NUDT1: variants seen among roughly 807,000 people sequenced by gnomAD.
The protein encoded by NUDT1 is oxidized purine nucleoside triphosphate hydrolase.
Under a neutral mutation model 11.3 loss-of-function variants are expected in NUDT1, and 16 were observed. That is an observed-to-expected ratio of 1.41 (90% CI 0.96 to 2.15). NUDT1 has a LOEUF of 2.15. Ranked by LOEUF, NUDT1 falls within the 30% of genes most tolerant of loss-of-function variation. NUDT1 has a pLI of 0.00. For synonymous variants in NUDT1, 101 were observed against 84.4 expected (o/e 1.20, Z -1.08); for missense variants, 234 against 208.4 (o/e 1.12, Z -0.76).
intron 2 of NUDT1, among the ~76,000 whole-genome samples, chr7:2,245,902 G>A (rs1794749753): frequency 6.6e-6 from 1 of 151,678 alleles, no homozygotes; most frequent in African/African-American, 2.4e-5. Context: ...CCAACCCTCA[G>A]TTTGGAGAGC....
At chr7:2,247,203 C>T (rs570336997) in intron 2 of NUDT1, among the ~76,000 whole-genome samples, 16 of 152,210 alleles carry the variant, frequency 1.1e-4, no homozygotes, top group African/African-American at 1.7e-4. Context: ...GTCGGCAGCC[C>T]GGTCTCTGGG....
intron 1 of NUDT1, chr7:2,242,885 C>G: frequency 1.4e-6 from 1 of 700,390 alleles, no homozygotes; most frequent in South Asian, 1.5e-5. Context: ...GTTAGACTCC[C>G]TGCCTTATCG....
intron 2 of NUDT1, among the ~76,000 whole-genome samples, chr7:2,246,604 T>G (rs897098567): frequency 3.3e-5 from 5 of 152,182 alleles, no homozygotes; most frequent in African/African-American, 9.7e-5. Flanking sequence ...CAGCCCTGCT[T>G]TATTTTCTTC....
intron 1 of NUDT1, among the ~76,000 whole-genome samples, chr7:2,244,310 G>C (rs1794678105): frequency 6.6e-6 from 1 of 152,164 alleles, no homozygotes; most frequent in Admixed American, 6.5e-5. Context: ...GGAGAAGGAA[G>C]GTAGCGCCGG....
intron 2 of NUDT1, among the ~76,000 whole-genome samples, chr7:2,247,546 C>T (rs572114011): frequency 3.3e-5 from 5 of 152,334 alleles, no homozygotes; most frequent in Middle Eastern, 3.4e-3. Flanking sequence ...GAAGCAGGCC[C>T]GCCGGAACCT....
At position 2,244,647 on chromosome 7, in the gene NUDT1, C is replaced by T. The variant is rs574529054; in HGVS notation, c.73C>T (p.Arg25Ter). ...GCGAGTTCTCCTGGGCATGAAAAAG[C>T]GAGGCTTCGGGGCCGGCCGGTGGAA... Reference protein sequence around the residue: ...PQRVLLGMKKRGFGAGRWNGF... With the variant: ...PQRVLLGMKK The change falls in exon 2 of 4, where the codon CGA (arginine) becomes TGA (stop). Residue 25 changes from arginine to a stop codon, truncating the protein, a stop_gained. Coordinates refer to ENST00000356714, the MANE Select transcript of NUDT1 (RefSeq NM_002452.4). LOFTEE classifies it high-confidence loss of function. 5.1e-5 allele frequency: 82 copies of T among 1,613,842 alleles called. 1 individual carries two copies. The South Asian group carries it at 7.5e-4, about 15-fold the overall frequency.
At chr7:2,249,824 C>T (rs779558664) in intron 2 of NUDT1, 33 bp from the exon 3 acceptor site, 284 of 1,609,116 alleles carry the variant, frequency 1.8e-4, no homozygotes, top group Admixed American at 3.2e-4. Flanking sequence ...CATGCCCTGA[C>T]GGCCTCCCTC....
At chr7:2,248,610 G>A (rs1006061677) in intron 2 of NUDT1, among the ~76,000 whole-genome samples, 1 of 149,272 alleles carries the variant, frequency 6.7e-6, no homozygotes, top group African/African-American at 2.5e-5. Context: ...GGAGTGCAGT[G>A]GAGTAATCCC....
At chr7:2,246,992 C>T (rs1794791803) in intron 2 of NUDT1, among the ~76,000 whole-genome samples, 1 of 151,414 alleles carries the variant, frequency 6.6e-6, no homozygotes, top group African/African-American at 2.4e-5. Flanking sequence ...ATGGGGGACA[C>T]TGGAGCCAGA....
At chr7:2,244,498 G>A in intron 1 of NUDT1, 65 bp from the exon 2 acceptor site, 1 of 1,362,352 alleles carries the variant, frequency 7.3e-7, no homozygotes, top group Non-Finnish European at 9.8e-7. Flanking sequence ...CCTTCCTCCT[G>A]GCCCCTGGCA....
chr7:2,244,445 A>G (rs932858260), intron 1 of NUDT1, 118 bp from the exon 2 acceptor site: 11 of 942,426 alleles, frequency 1.2e-5, no homozygotes, highest in African/African-American at 3.4e-5. Context: ...CTGGGGAGTT[A>G]CAGCATACCC....
rs775036487 is a variant in NUDT1 at position 2,249,929 on chromosome 7, G to C, written c.225G>C (p.Val75=). The change falls in exon 3 of 4, where the codon GTG becomes GTC. Residue 75 remains valine (V), a synonymous_variant. Coordinates refer to ENST00000356714, the MANE Select transcript of NUDT1 (RefSeq NM_002452.4). Reference sequence around the variant, plus strand: ...TGGGCCAGATCGTGTTTGAGTTCGTGGGCGAGCCTGAGCTCATGGACGTGC... The same window carrying C: ...TGGGCCAGATCGTGTTTGAGTTCGTCGGCGAGCCTGAGCTCATGGACGTGC... ...HKVGQIVFEF[V]GEPELMDVHV... 11 of 1,614,208 alleles carry C rather than the reference G, an allele frequency of 6.8e-6. No homozygotes were observed. Among genetic ancestry groups the C allele is most frequent in the South Asian group, 1.1e-5 (1 of 91,088 alleles).
At chr7:2,243,579 C>A (rs1235146985) in intron 1 of NUDT1, among the ~76,000 whole-genome samples, 3 of 152,190 alleles carry the variant, frequency 2.0e-5, no homozygotes, top group Non-Finnish European at 4.4e-5. Flanking sequence ...TCGTGACCAG[C>A]CTGGGCAACG....
Position 2,249,983 on chromosome 7 carries a change from G to A in NUDT1, c.279G>A (p.Gly93=), listed in dbSNP as rs762264858. Reference sequence around the variant, plus strand: ...TCTTCTGCACAGACAGCATCCAGGGGACCCCCGTGGAGAGCGACGGTGAGT... The same window carrying A: ...TCTTCTGCACAGACAGCATCCAGGGAACCCCCGTGGAGAGCGACGGTGAGT... ...VHVFCTDSIQ[G]TPVESDEMRP... The change falls in exon 3 of 4, where the codon GGG becomes GGA. Residue 93 remains glycine, a synonymous_variant. Transcript: ENST00000356714. The A allele has an allele frequency of 6.2e-7, 1 of 1,614,092 alleles. No homozygotes were observed. Among genetic ancestry groups the A allele is most frequent in the Non-Finnish European group, 8.5e-7 (1 of 1,180,028 alleles).
chr7:2,242,661 T>A, intron 1 of NUDT1: 1 of 372,088 alleles, frequency 2.7e-6, no homozygotes. Context: ...GGTTCCCTTG[T>A]CCTCCTCGAA....
intron 2 of NUDT1, among the ~76,000 whole-genome samples, chr7:2,245,512 G>A (rs1162563138): frequency 2.0e-5 from 3 of 152,184 alleles, no homozygotes; most frequent in East Asian, 1.9e-4. Context: ...CAGGTGTGCA[G>A]GTACAGCTAA....
chr7:2,249,945 AT>A lies in NUDT1; in HGVS notation c.242del (p.Met81ArgfsTer91), dbSNP rs1562410605. Reference protein sequence around the residue: ...VFEFVGEPELMDVHVFCTDSI... With the variant: ...VFEFVGEPELXDVHVFCTDSI... ...TGAGTTCGTGGGCGAGCCTGAGCTC[AT>A]GGACGTGCATGTCTTCTGCACAGAC... On this transcript the variant is annotated frameshift_variant, in exon 3 of 4. Transcript: ENST00000356714. LOFTEE classifies it high-confidence loss of function. 5 of 1,614,202 alleles carry A rather than the reference AT, an allele frequency of 3.1e-6. No individual in the cohort carries two copies. The South Asian group carries it at 5.5e-5, about 18-fold the overall frequency.
chr7:2,246,792 G>A (rs1337288015), intron 2 of NUDT1, among the ~76,000 whole-genome samples: 3 of 152,168 alleles, frequency 2.0e-5, no homozygotes, highest in Admixed American at 6.5e-5. Flanking sequence ...ATCCTCGGGT[G>A]TAACCTGGAG....
chr7:2,250,529 C>A (rs1794956594), intron 3 of NUDT1, among the ~76,000 whole-genome samples: 1 of 152,238 alleles, frequency 6.6e-6, no homozygotes, highest in Non-Finnish European at 1.5e-5. Flanking sequence ...GCAATCTCGG[C>A]TCACTGCAAG....
Sources: gnomAD v4.1 joint callset for allele counts (sites outside exome capture counted in the v4.1 genomes callset) on GRCh38, gnomAD v4.1.1 for gene constraint, MANE v1.5 for transcripts, NCBI Gene and HGNC (gene_info 2026-07-23, HGNC 2026-07-21) for gene names.